Variants in PPARA observed in about 807,000 individuals in gnomAD.
PPARA encodes peroxisome proliferator activated receptor alpha, also known as peroxisome proliferator-activated receptor alpha.
In PPARA, 22 loss-of-function variants were observed where a neutral mutation model predicts 42.2. The observed-to-expected ratio is 0.52, with a 90% CI of 0.37 to 0.74. PPARA has a LOEUF of 0.74. PPARA is among the 30% of genes least tolerant of loss of function. The pLI is 0.00. For missense variants in PPARA, 465 were observed against 608.2 expected, an observed-to-expected ratio of 0.76 and a Z score of 2.48; for synonymous variants, 242 against 239.3, an observed-to-expected ratio of 1.01 and a Z score of -0.10.
In PPARA at chr22:46,198,351, G is replaced by C. The variant is rs1364319650; in HGVS notation, c.-33G>C. On this transcript the variant is annotated 5_prime_UTR_variant, in exon 4 of 9. Coordinates refer to ENST00000407236, the MANE Select transcript of PPARA (RefSeq NM_005036.6). ...TCCTCTTTCCTCCCAGTAGCTTGGA[G>C]CTCGGCGGCACAACCAGCACCATCT... 1 of 1,601,328 alleles carries C rather than the reference G, an allele frequency of 6.2e-7. No individual in the cohort carries two copies. Among genetic ancestry groups the C allele is most frequent in the Non-Finnish European group, 8.6e-7 (1 of 1,168,924 alleles).
rs1935259114 is a variant in PPARA at position 46,224,610 on chromosome 22, C to T, written c.711+4596C>T. Among the ~76,000 whole-genome samples, 1 of 152,188 alleles carries T rather than the reference C, an allele frequency of 6.6e-6. No homozygotes were observed. The highest frequency in any genetic ancestry group is 2.1e-4 in the South Asian group (1 of 4,828). ...TCAGGAAGGCACACTGACCTCAGGGCCGGCGGCTGACTTCATTTCTGTTTG... is the reference window on the plus strand; with the variant it reads ...TCAGGAAGGCACACTGACCTCAGGGTCGGCGGCTGACTTCATTTCTGTTTG... On this transcript the variant is annotated intron_variant, in intron 7 of 8. Transcript: ENST00000407236. This position sits in a 1 kb window ranked among gnomAD's most constrained non-coding sequence, Gnocchi z 5.7.
At position 46,235,598 on chromosome 22, in the gene PPARA, C is replaced by T; in HGVS notation, c.*218C>T. On this transcript the variant is annotated 3_prime_UTR_variant, in exon 9 of 9. Transcript: ENST00000407236. The surrounding 1 kb of genome is among the most constrained non-coding windows in gnomAD (Gnocchi z 7.0). ...CAAATGCTGGGGGTAGGTGGCTAAT[C>T]TCAGGACTGGGAAGATTACGGCGAA... 10 of 613,754 alleles carry T rather than the reference C, an allele frequency of 1.6e-5. No homozygotes were observed. In the South Asian group the frequency reaches 1.9e-4, roughly 12 times the overall value. 38.0% of individuals were successfully genotyped at this position (613,754 alleles called of 1,614,324 possible). A position where few individuals can be genotyped will look rare whatever the true frequency, so the allele number is the denominator to read the frequency against.
chr22:46,153,468 C>T (rs1924793338), intron 2 of PPARA, among the ~76,000 whole-genome samples: 1 of 152,072 alleles, frequency 6.6e-6, no homozygotes, highest in Non-Finnish European at 1.5e-5. Flanking sequence ...CGCGCCGGGC[C>T]CTTTTCCGAC....
At chr22:46,213,511 G>A (rs938816593) in intron 4 of PPARA, among the ~76,000 whole-genome samples, 11 of 150,706 alleles carry the variant, frequency 7.3e-5, no homozygotes, top group African/African-American at 2.4e-4. Context: ...GGGTCCAAGC[G>A]ATTCCCCTGC....
In PPARA at chr22:46,218,385, C is replaced by T. The variant is rs779053935; in HGVS notation, c.492C>T (p.Val164=). The T allele has an allele frequency of 1.9e-5, 31 of 1,613,968 alleles. No homozygotes were observed. The highest frequency in any genetic ancestry group is 4.4e-5 in the South Asian group (4 of 91,076). ...GTCGATTTCACAAGTGCCTTTCTGTCGGGATGTCACACAACGGTAGGTAAG... is the reference window on the plus strand; with the variant it reads ...GTCGATTTCACAAGTGCCTTTCTGTTGGGATGTCACACAACGGTAGGTAAG... ...QYCRFHKCLS[V]GMSHNAIRFG... Residue 164 remains valine (V), a synonymous_variant, in exon 6 of 9, where the codon GTC becomes GTT. Transcript: ENST00000407236.
chr22:46,232,415 T>C lies in PPARA; in HGVS notation c.1159+176T>C, dbSNP rs531202119. Among the ~76,000 whole-genome samples, 7 of 152,134 alleles carry C rather than the reference T, an allele frequency of 4.6e-5. No individual in the cohort carries two copies. The highest frequency in any genetic ancestry group is 1.7e-4 in the African/African-American group (7 of 41,504). On this transcript the variant is annotated intron_variant, in intron 8 of 8. Transcript: ENST00000407236. The surrounding 1 kb of genome is among the most constrained non-coding windows in gnomAD (Gnocchi z 5.3). ...GAGAATTCAGTGGGAATTATAACAA[T>C]ATTGTATAATATTATAGTATATATT...
rs1228514135 is a variant in PPARA, at chr22:46,230,966, G to T, written c.712-826G>T. Among the ~76,000 whole-genome samples the T allele has an allele frequency of 6.6e-6, 1 of 152,194 alleles. No homozygotes were observed. Among genetic ancestry groups the T allele is most frequent in the Non-Finnish European group, 1.5e-5 (1 of 68,032 alleles). ...GCCTCTTGCAATAGTCATTAGTTCA[G>T]AGAATATTTAAGAATATTAAAGGTG... On this transcript the variant is annotated intron_variant, in intron 7 of 8. Coordinates refer to ENST00000407236, the MANE Select transcript of PPARA (RefSeq NM_005036.6). The surrounding 1 kb of genome is among the most constrained non-coding windows in gnomAD (Gnocchi z 5.0).
intron 4 of PPARA, among the ~76,000 whole-genome samples, chr22:46,202,235 C>T (rs74353332): frequency 2.0e-5 from 3 of 152,154 alleles, no homozygotes; most frequent in African/African-American, 2.4e-5. Context: ...CAGGAGGGAA[C>T]CCTGCTCTTC....
rs924240455 is a variant in PPARA at position 46,242,171 on chromosome 22, A to C, written c.*6791A>C. On this transcript the variant is annotated 3_prime_UTR_variant, in exon 9 of 9. Coordinates refer to ENST00000407236, the MANE Select transcript of PPARA (RefSeq NM_005036.6). This position sits in a 1 kb window ranked among gnomAD's most constrained non-coding sequence, Gnocchi z 6.1. ...CAAACTGGTGCACAAACAGGCCCCC[A>C]GTCCACGCAGCCTGGCTCCTAGGAA... The C allele has an allele frequency of 1.3e-5, 2 of 152,216 alleles. No individual in the cohort carries two copies. The highest frequency in any genetic ancestry group is 3.9e-4 in the East Asian group (2 of 5,194). The allele number at this position is 152,216 out of a possible 1,614,324, so 9.4% of individuals were successfully genotyped here. A position where few individuals can be genotyped will look rare whatever the true frequency, so the allele number is the denominator to read the frequency against.
chr22:46,207,308 G>A (rs1458605267), intron 4 of PPARA, among the ~76,000 whole-genome samples: 5 of 135,298 alleles, frequency 3.7e-5, no homozygotes, highest in Admixed American at 7.7e-5. Flanking sequence ...TTGAGACAGA[G>A]TCTCGCTCTA....
chr22:46,165,545 C>A lies in PPARA; in HGVS notation c.-126-11208C>A, dbSNP rs1486800026. 2.0e-5 allele frequency among the ~76,000 whole-genome samples: 3 copies of A among 152,184 alleles called. No homozygotes were observed. The highest frequency in any genetic ancestry group is 4.4e-5 in the Non-Finnish European group (3 of 68,036). On this transcript the variant is annotated intron_variant, in intron 2 of 8. Coordinates refer to ENST00000407236, the MANE Select transcript of PPARA (RefSeq NM_005036.6). The surrounding 1 kb of genome is among the most constrained non-coding windows in gnomAD (Gnocchi z 5.5). ...ATTTATGAAAGAAGCAGTTAAGAGC[C>A]TGAGTGGCACTTTTGAGGGGCTAGA...
intron 4 of PPARA, among the ~76,000 whole-genome samples, chr22:46,199,391 G>C (rs1347632240): frequency 6.6e-6 from 1 of 152,194 alleles, no homozygotes; most frequent in Admixed American, 6.5e-5. Context: ...CCAGCACTTT[G>C]GAAGGCCGAG....
rs372352737 is a variant in PPARA, at chr22:46,191,185, C to T, written c.-42-7157C>T. On this transcript the variant is annotated intron_variant, in intron 3 of 8. Coordinates refer to ENST00000407236, the MANE Select transcript of PPARA (RefSeq NM_005036.6). This position sits in a 1 kb window ranked among gnomAD's most constrained non-coding sequence, Gnocchi z 4.6. ...CTCCAGCCTGGGTGACAGAGTGAGA[C>T]TGCATCTATAAAAACAACAACAAAA... 8.5e-5 allele frequency among the ~76,000 whole-genome samples: 13 copies of T among 152,258 alleles called. No individual in the cohort carries two copies. In the East Asian group the frequency reaches 1.9e-3, roughly 23 times the overall value.
At chr22:46,210,357 G>A (rs1186424568) in intron 4 of PPARA, among the ~76,000 whole-genome samples, 1 of 147,878 alleles carries the variant, frequency 6.8e-6, no homozygotes, top group East Asian at 1.9e-4. Flanking sequence ...TATCATCTGT[G>A]TCACTTCTGA....
intron 4 of PPARA, among the ~76,000 whole-genome samples, chr22:46,206,252 C>G (rs1453405333): frequency 6.7e-6 from 1 of 149,790 alleles, no homozygotes; most frequent in Non-Finnish European, 1.5e-5. Flanking sequence ...GAGGCATGCA[C>G]CACCACGCCC....
rs1001447421 is a variant in PPARA, at chr22:46,215,436, C to T, written c.369+103C>T. 4.0e-6 allele frequency: 6 copies of T among 1,498,602 alleles called. No homozygotes were observed. In the African/African-American group the frequency reaches 5.5e-5, roughly 14 times the overall value. The allele number at this position is 1,498,602 out of a possible 1,614,324, so 92.8% of individuals were successfully genotyped here. Reference sequence around the variant, plus strand: ...ATTACTGAGAGATTGCAGAAAGTCCCGGATAAGAAACTGACTTCAGGCCAG... The same window carrying T: ...ATTACTGAGAGATTGCAGAAAGTCCTGGATAAGAAACTGACTTCAGGCCAG... On this transcript the variant is annotated intron_variant, in intron 5 of 8. Transcript: ENST00000407236.
rs1931002561 is a variant in PPARA, at chr22:46,187,669, G to A, written c.-42-10673G>A. Among the ~76,000 whole-genome samples the A allele has an allele frequency of 6.6e-6, 1 of 152,148 alleles. No individual in the cohort carries two copies. The highest frequency in any genetic ancestry group is 2.4e-5 in the African/African-American group (1 of 41,426). On this transcript the variant is annotated intron_variant, in intron 3 of 8. Coordinates refer to ENST00000407236, the MANE Select transcript of PPARA (RefSeq NM_005036.6). The surrounding 1 kb of genome is among the most constrained non-coding windows in gnomAD (Gnocchi z 4.9). ...CTTCCATGGCTCCTTATTGTTTTAGGATGAAATCCAAACTCCTAAACATGG... is the reference window on the plus strand; with the variant it reads ...CTTCCATGGCTCCTTATTGTTTTAGAATGAAATCCAAACTCCTAAACATGG...
rs557724472 is a variant in PPARA, at chr22:46,219,552, G to A, written c.509-260G>A. 1.3e-4 allele frequency among the ~76,000 whole-genome samples: 20 copies of A among 152,248 alleles called. No homozygotes were observed. The highest frequency in any genetic ancestry group is 2.1e-4 in the South Asian group (1 of 4,820). On this transcript the variant is annotated intron_variant, in intron 6 of 8. Coordinates refer to ENST00000407236, the MANE Select transcript of PPARA (RefSeq NM_005036.6). This position sits in a 1 kb window ranked among gnomAD's most constrained non-coding sequence, Gnocchi z 4.8. Reference sequence around the variant, plus strand: ...GTGGTGTGCACCCTACTAATGAGACGAACGATGGTGTCACCTTCAGCCTGC... The same window carrying A: ...GTGGTGTGCACCCTACTAATGAGACAAACGATGGTGTCACCTTCAGCCTGC...
At chr22:46,213,048 A>G (rs967971349) in intron 4 of PPARA, among the ~76,000 whole-genome samples, 1 of 152,186 alleles carries the variant, frequency 6.6e-6, no homozygotes, top group African/African-American at 2.4e-5. Flanking sequence ...TGTGGACAGA[A>G]GTTTTCAAAT....
Sources: gnomAD v4.1 joint callset for allele counts (sites outside exome capture counted in the v4.1 genomes callset) on GRCh38, gnomAD v4.1.1 for gene constraint, Gnocchi (gnomAD v3.1) non-coding constraint, MANE v1.5 for transcripts, NCBI Gene and HGNC (gene_info 2026-07-23, HGNC 2026-07-21) for gene names.